ELOVL6: variants seen among roughly 807,000 people sequenced by gnomAD.
ELOVL6 encodes ELOVL fatty acid elongase 6, also known as very long chain fatty acid elongase 6.
Under a neutral mutation model 31.7 loss-of-function variants are expected in ELOVL6, and 8 were observed. The observed-to-expected ratio is 0.25, with a 90% CI of 0.15 to 0.45. ELOVL6 has a LOEUF of 0.45. Ranked by LOEUF, ELOVL6 falls within the 20% of genes least tolerant of loss-of-function variation. The probability of loss-of-function intolerance (pLI) is 1.00; values close to 1 mark genes in which losing one functional copy is unlikely to be tolerated. For synonymous variants in ELOVL6, 101 were observed against 117.7 expected (o/e 0.86, Z 0.92); for missense variants, 126 against 326.4 (o/e 0.39, Z 4.73).
At chr4:110,148,834 C>T (rs1758202532) in intron 1 of ELOVL6, among the ~76,000 whole-genome samples, 1 of 152,050 alleles carries the variant, frequency 6.6e-6, no homozygotes, top group Admixed American at 6.6e-5. Context: ...GGTAAGGATG[C>T]AGAGGAAAGT....
At chr4:110,094,404 A>AATATATATATATAT (rs1167924305) in intron 2 of ELOVL6, among the ~76,000 whole-genome samples, 3 of 55,590 alleles carry the variant, frequency 5.4e-5, no homozygotes, top group African/African-American at 8.6e-5. Context: ...CTTAAAAAGA[A>AATATATATATATAT]ATATATATAT....
At chr4:110,054,403 C>T (rs1754920661) in intron 3 of ELOVL6, among the ~76,000 whole-genome samples, 2 of 152,194 alleles carry the variant, frequency 1.3e-5, no homozygotes, top group Admixed American at 1.3e-4. Context: ...CCTCCAATCC[C>T]TCTGTGGACA....
chr4:110,128,015 C>T (rs1323993990), intron 1 of ELOVL6, among the ~76,000 whole-genome samples: 1 of 150,804 alleles, frequency 6.6e-6, no homozygotes, highest in Non-Finnish European at 1.5e-5. Context: ...CAAGACTGGC[C>T]TGGGCTACAC....
At chr4:110,196,089 T>C (rs1759768547) in intron 1 of ELOVL6, among the ~76,000 whole-genome samples, 1 of 152,136 alleles carries the variant, frequency 6.6e-6, no homozygotes, top group Non-Finnish European at 1.5e-5. Flanking sequence ...AAATGGTACC[T>C]GAAGCAGGCC....
chr4:110,114,114 G>C (rs1757111833), intron 1 of ELOVL6, among the ~76,000 whole-genome samples: 1 of 151,980 alleles, frequency 6.6e-6, no homozygotes, highest in Non-Finnish European at 1.5e-5. Context: ...TAACAATAAT[G>C]GTAATATAAA....
At chr4:110,147,424 T>A (rs181172638) in intron 1 of ELOVL6, among the ~76,000 whole-genome samples, 2 of 151,712 alleles carry the variant, frequency 1.3e-5, no homozygotes, top group African/African-American at 4.8e-5. Flanking sequence ...AAAACAAATA[T>A]AGACAAATGG....
At chr4:110,130,729 C>T (rs1470238210) in intron 1 of ELOVL6, among the ~76,000 whole-genome samples, 1 of 152,190 alleles carries the variant, frequency 6.6e-6, no homozygotes, top group Admixed American at 6.5e-5. Context: ...ATCGTGTGGG[C>T]TGAGCACTGC....
chr4:110,066,429 G>T (rs1755301636), intron 2 of ELOVL6, among the ~76,000 whole-genome samples: 2 of 151,828 alleles, frequency 1.3e-5, no homozygotes, highest in Admixed American at 1.3e-4. Context: ...GAGGTCAGGA[G>T]ATCGAGATCA....
chr4:110,148,109 C>CAAAA (rs1157605540), intron 1 of ELOVL6, among the ~76,000 whole-genome samples: 2 of 54,954 alleles, frequency 3.6e-5, no homozygotes, highest in African/African-American at 6.1e-5. Flanking sequence ...AACTCGGTCT[C>CAAAA]AAAAAAAAAA....
At chr4:110,192,386 A>G (rs991505658) in intron 1 of ELOVL6, among the ~76,000 whole-genome samples, 1 of 152,204 alleles carries the variant, frequency 6.6e-6, no homozygotes, top group Non-Finnish European at 1.5e-5. Context: ...AAGGAAAAAC[A>G]ACAGTGAAAT....
At chr4:110,106,946 A>G (rs1756907792) in intron 1 of ELOVL6, among the ~76,000 whole-genome samples, 1 of 152,226 alleles carries the variant, frequency 6.6e-6, no homozygotes, top group African/African-American at 2.4e-5. Context: ...ATAATTTAAA[A>G]CAGTTGAGCA....
intron 1 of ELOVL6, among the ~76,000 whole-genome samples, chr4:110,111,037 G>C (rs1757020260): frequency 6.6e-6 from 1 of 152,116 alleles, no homozygotes; most frequent in South Asian, 2.1e-4. Flanking sequence ...TATCCTTGAA[G>C]TAGGCCATAA....
At chr4:110,101,283 G>C (rs971364372) in intron 2 of ELOVL6, among the ~76,000 whole-genome samples, 1 of 151,962 alleles carries the variant, frequency 6.6e-6, no homozygotes, top group Non-Finnish European at 1.5e-5. Flanking sequence ...CAGGTGATCT[G>C]CCCACCTCAG....
chr4:110,149,790 TG>T (rs1476553901), intron 1 of ELOVL6, among the ~76,000 whole-genome samples: 1 of 152,222 alleles, frequency 6.6e-6, no homozygotes, highest in African/African-American at 2.4e-5. Context: ...GGTATTTATC[TG>T]CCTACATAGA....
chr4:110,188,239 C>G (rs1342213701), intron 1 of ELOVL6, among the ~76,000 whole-genome samples: 4 of 152,082 alleles, frequency 2.6e-5, no homozygotes, highest in African/African-American at 9.7e-5. Context: ...ATTTCATAGG[C>G]CAAAGCTTTA....
intron 2 of ELOVL6, among the ~76,000 whole-genome samples, chr4:110,104,519 C>T (rs1329658560): frequency 6.6e-6 from 1 of 152,076 alleles, no homozygotes; most frequent in Non-Finnish European, 1.5e-5. Flanking sequence ...TTTTAATAAG[C>T]TTTAAGTAAC....
At chr4:110,092,795 C>A (rs72679203) in intron 2 of ELOVL6, among the ~76,000 whole-genome samples, 20,243 of 149,538 alleles carry the variant, frequency 0.14, 1,413 homozygotes, top group African/African-American at 0.16. Context: ...AGTTCGAAAT[C>A]TTGTAGTACA....
chr4:110,132,474 G>C (rs1757695608), intron 1 of ELOVL6, among the ~76,000 whole-genome samples: 1 of 152,084 alleles, frequency 6.6e-6, no homozygotes, highest in Non-Finnish European at 1.5e-5. Context: ...AGGCAAAAGA[G>C]AGGGTAAGGG....
At chr4:110,121,655 C>T (rs1383378335) in intron 1 of ELOVL6, among the ~76,000 whole-genome samples, 10 of 152,038 alleles carry the variant, frequency 6.6e-5, no homozygotes, top group Non-Finnish European at 1.2e-4. Context: ...GCCGAGATTG[C>T]GCCACTGCAC....
Sources: gnomAD v4.1 joint callset for allele counts (sites outside exome capture counted in the v4.1 genomes callset) on GRCh38, gnomAD v4.1.1 for gene constraint, MANE v1.5 for transcripts, NCBI Gene and HGNC (gene_info 2026-07-23, HGNC 2026-07-21) for gene names.